AFG2A: variants seen among roughly 807,000 people sequenced by gnomAD.
AFG2A encodes the protein AAA ATPase AFG2A.
the AFG2A span, among the ~76,000 whole-genome samples, chr4:123,176,355 A>G: frequency 6.6e-6 from 1 of 152,226 alleles, no homozygotes; most frequent in African/African-American, 2.4e-5. Flanking sequence ...GATAACATAA[A>G]GGCCATGCTA....
chr4:123,138,095 GT>G, the AFG2A span, among the ~76,000 whole-genome samples: 7 of 151,962 alleles, frequency 4.6e-5, no homozygotes, highest in Non-Finnish European at 8.8e-5. Flanking sequence ...TTAATTATTT[GT>G]TTTATTCTAT....
the AFG2A span, among the ~76,000 whole-genome samples, chr4:123,087,965 A>G: frequency 2.6e-5 from 4 of 152,168 alleles, no homozygotes; most frequent in African/African-American, 9.7e-5. Context: ...TCTTCTCTAC[A>G]CTGCAGGCAG....
the AFG2A span, among the ~76,000 whole-genome samples, chr4:122,940,507 A>G: frequency 2.0e-5 from 3 of 151,796 alleles, no homozygotes; most frequent in South Asian, 2.1e-4. Flanking sequence ...AATTTGTTTG[A>G]GTTCATTGTA....
the AFG2A span, among the ~76,000 whole-genome samples, chr4:123,089,202 C>T: frequency 2.5e-4 from 38 of 152,230 alleles, no homozygotes; most frequent in Middle Eastern, 3.4e-3. Flanking sequence ...ACTTATAAGT[C>T]TAAATACTTA....
chr4:123,009,571 T>TA, the AFG2A span, among the ~76,000 whole-genome samples: 2 of 152,228 alleles, frequency 1.3e-5, no homozygotes, highest in Non-Finnish European at 2.9e-5. Flanking sequence ...GAGGATCCCT[T>TA]GTAGATTTTC....
the AFG2A span, among the ~76,000 whole-genome samples, chr4:123,118,801 T>C: frequency 1.3e-5 from 2 of 152,152 alleles, no homozygotes; most frequent in Non-Finnish European, 2.9e-5. Context: ...TATCAGTAGT[T>C]AGTAGTTAAT....
the AFG2A span, among the ~76,000 whole-genome samples, chr4:123,218,616 T>TA: frequency 6.6e-6 from 1 of 151,432 alleles, no homozygotes; most frequent in African/African-American, 2.4e-5. Context: ...TAATTTTGCT[T>TA]AAAAATAGTT....
At chr4:123,089,133 A>G in the AFG2A span, among the ~76,000 whole-genome samples, 4 of 152,190 alleles carry the variant, frequency 2.6e-5, no homozygotes, top group Non-Finnish European at 5.9e-5. Context: ...CCTCATGTGC[A>G]TTTGATTAGT....
chr4:122,934,718 C>A, the AFG2A span: 2 of 1,579,720 alleles, frequency 1.3e-6, no homozygotes, highest in Non-Finnish European at 1.7e-6. Flanking sequence ...CTCAAACAGC[C>A]TGAGCTTTTC....
At chr4:123,185,970 G>C in the AFG2A span, among the ~76,000 whole-genome samples, 1 of 151,978 alleles carries the variant, frequency 6.6e-6, no homozygotes, top group Admixed American at 6.6e-5. Context: ...GTTTCAAGGG[G>C]ACTTTTGTTA....
At chr4:123,229,471 T>C in the AFG2A span, among the ~76,000 whole-genome samples, 2 of 151,956 alleles carry the variant, frequency 1.3e-5, no homozygotes, top group African/African-American at 4.8e-5. Context: ...ATGTTAGCCT[T>C]AAAAAATCAT....
chr4:123,028,210 C>A, the AFG2A span: 1 of 1,613,904 alleles, frequency 6.2e-7, no homozygotes, highest in South Asian at 1.1e-5. Context: ...TATAGGAGGA[C>A]TGGAAAGTAT....
At chr4:123,249,212 T>G in the AFG2A span, among the ~76,000 whole-genome samples, 1 of 152,162 alleles carries the variant, frequency 6.6e-6, no homozygotes, top group Non-Finnish European at 1.5e-5. Flanking sequence ...AAGTGGAGCT[T>G]CCCTGATAGA....
chr4:123,204,052 A>G, the AFG2A span, among the ~76,000 whole-genome samples: 8 of 152,194 alleles, frequency 5.3e-5, no homozygotes, highest in Non-Finnish European at 7.3e-5. Flanking sequence ...TCGAAGTCAC[A>G]TCTTCATCTG....
chr4:123,145,272 T>A, the AFG2A span, among the ~76,000 whole-genome samples: 1 of 152,092 alleles, frequency 6.6e-6, no homozygotes, highest in African/African-American at 2.4e-5. Context: ...GTTGCCCAAT[T>A]TTTGAATGAA....
At chr4:123,301,637 C>CTT in the AFG2A span, among the ~76,000 whole-genome samples, 5 of 152,172 alleles carry the variant, frequency 3.3e-5, no homozygotes, top group African/African-American at 1.2e-4. Flanking sequence ...TTTCTTCTCA[C>CTT]TCTATGTTAT....
chr4:123,001,462 C>T, the AFG2A span, among the ~76,000 whole-genome samples: 1 of 151,492 alleles, frequency 6.6e-6, no homozygotes, highest in Non-Finnish European at 1.5e-5. Context: ...TTTCCCTCTA[C>T]ACACTGCTTT....
chr4:122,929,220 C>A, the AFG2A span: 1 of 1,543,618 alleles, frequency 6.5e-7, no homozygotes, highest in Non-Finnish European at 8.7e-7. Flanking sequence ...TCTTTGGTGA[C>A]TATCTGGATC....
chr4:123,117,312 G>GTAT, the AFG2A span, among the ~76,000 whole-genome samples: 1 of 151,758 alleles, frequency 6.6e-6, no homozygotes, highest in African/African-American at 2.4e-5. Flanking sequence ...GTGGAAGGAT[G>GTAT]TATATGTAAC....
Sources: gnomAD v4.1 joint callset for allele counts (sites outside exome capture counted in the v4.1 genomes callset) on GRCh38, gnomAD v4.1.1 for gene constraint, MANE v1.5 for transcripts, NCBI Gene and HGNC (gene_info 2026-07-23, HGNC 2026-07-21) for gene names.